The following CA10 variants were observed in gnomAD, a reference collection of about 807,000 sequenced individuals.
CA10 encodes carbonic anhydrase 10 (inactive), also known as carbonic anhydrase-related protein 10.
Under a neutral mutation model 44.2 loss-of-function variants are expected in CA10, and 14 were observed. The observed-to-expected ratio is 0.32, with a 90% CI of 0.21 to 0.50. The LOEUF is 0.50. Ranked by LOEUF, CA10 falls within the 20% of genes least tolerant of loss-of-function variation. CA10 has a pLI of 0.99. For missense variants in CA10, 350 were observed against 409.7 expected, an observed-to-expected ratio of 0.85 and a Z score of 1.26; for synonymous variants, 159 against 141.6, an observed-to-expected ratio of 1.12 and a Z score of -0.87.
At chr17:51,716,014 T>C (rs1245012625) in intron 4 of CA10, among the ~76,000 whole-genome samples, 1 of 152,132 alleles carries the variant, frequency 6.6e-6, no homozygotes, top group Non-Finnish European at 1.5e-5. Context: ...TTATTATTTT[T>C]TGAACCCATT....
chr17:52,127,446 A>G (rs1389443219), intron 1 of CA10, among the ~76,000 whole-genome samples: 1 of 152,148 alleles, frequency 6.6e-6, no homozygotes, highest in Non-Finnish European at 1.5e-5. Context: ...ATACACTGAG[A>G]GGTATAATTG....
intron 2 of CA10, among the ~76,000 whole-genome samples, chr17:52,025,861 C>A (rs1181660529): frequency 6.6e-6 from 1 of 151,976 alleles, no homozygotes; most frequent in Non-Finnish European, 1.5e-5. Flanking sequence ...AGAGATGGAA[C>A]CCATATGGGA....
Position 52,158,212 on chromosome 17 carries a change from AG to A in CA10, c.-427del. ...GGCGCCCCAAGAAGACATAGACGAT[AG>A]CCCCCCGCCGGGCTGCGCCGTGCAA... On this transcript the variant is annotated 5_prime_UTR_variant, in exon 1 of 9. Coordinates refer to ENST00000451037, the MANE Select transcript of CA10 (RefSeq NM_020178.5). The A allele has an allele frequency of 3.5e-6, 1 of 287,038 alleles. No homozygotes were observed. The highest frequency in any genetic ancestry group is 3.4e-5 in the South Asian group (1 of 29,420). 17.8% of individuals were successfully genotyped at this position (287,038 alleles called of 1,614,324 possible). A position where few individuals can be genotyped will look rare whatever the true frequency, so the allele number is the denominator to read the frequency against.
chr17:51,655,387 C>A (rs1174077624), intron 4 of CA10, among the ~76,000 whole-genome samples: 1 of 152,176 alleles, frequency 6.6e-6, no homozygotes, highest in African/African-American at 2.4e-5. Flanking sequence ...ATTTGTGACT[C>A]TGAAAGTGTA....
chr17:51,885,291 C>T (rs59015340), intron 3 of CA10, among the ~76,000 whole-genome samples: 12,116 of 152,068 alleles, frequency 0.08, 1,029 homozygotes, highest in African/African-American at 0.22. Context: ...TCCTCATGAC[C>T]AAGAGGACGA....
chr17:51,861,044 A>G (rs1979281761), intron 3 of CA10, among the ~76,000 whole-genome samples: 1 of 152,206 alleles, frequency 6.6e-6, no homozygotes, highest in African/African-American at 2.4e-5. Context: ...CTCAGCTTCA[A>G]ATCTAACTTT....
chr17:51,701,666 ACT>A lies in CA10; in HGVS notation c.465+45965_465+45966del, dbSNP rs1915607685. On this transcript the variant is annotated intron_variant, in intron 4 of 8. Coordinates refer to ENST00000451037, the MANE Select transcript of CA10 (RefSeq NM_020178.5). ...CCAAATGAAAGTCTCATAATAGTTA[ACT>A]CTCAATTATTCACCCATGTTTGGTA... 8.6e-5 allele frequency among the ~76,000 whole-genome samples: 13 copies of A among 152,012 alleles called. No homozygotes were observed. The South Asian group carries it at 2.7e-3, about 32-fold the overall frequency.
intron 1 of CA10, among the ~76,000 whole-genome samples, chr17:52,113,252 G>T (rs1020497700): frequency 1.2e-4 from 19 of 152,198 alleles, no homozygotes; most frequent in Middle Eastern, 3.4e-3. Flanking sequence ...TGTAAAGTGG[G>T]GATAAAATTA....
At chr17:52,006,251 C>T (rs1985593212) in intron 2 of CA10, among the ~76,000 whole-genome samples, 1 of 151,618 alleles carries the variant, frequency 6.6e-6, no homozygotes, top group African/African-American at 2.4e-5. Flanking sequence ...TCTATTCTGT[C>T]CCTTTGTTCC....
chr17:52,157,552 A>T (rs1989833775), intron 1 of CA10, among the ~76,000 whole-genome samples, 174 bp downstream of exon 1: 1 of 126,514 alleles, frequency 7.9e-6, no homozygotes, highest in South Asian at 2.8e-4. Flanking sequence ...AAACACACAC[A>T]TTCACACACC....
chr17:51,715,792 G>T lies in CA10; in HGVS notation c.465+31841C>A, dbSNP rs370203342. The stretch of plus-strand genomic sequence containing the variant: ...TGCAAACTCTGCCTCCTAGGCTCAA[G>T]CAATTCTCCTGCCACAGCCTCTGAG... On this transcript the variant is annotated intron_variant, in intron 4 of 8. Transcript: ENST00000451037. 6.6e-5 allele frequency among the ~76,000 whole-genome samples: 10 copies of T among 152,072 alleles called. No individual in the cohort carries two copies. The East Asian group carries it at 1.6e-3, about 24-fold the overall frequency.
intron 1 of CA10, among the ~76,000 whole-genome samples, chr17:52,077,517 T>C (rs1181979202): frequency 6.6e-6 from 1 of 152,126 alleles, no homozygotes; most frequent in South Asian, 2.1e-4. Context: ...CAATTTTATT[T>C]ATGAAAACAA....
intron 4 of CA10, among the ~76,000 whole-genome samples, chr17:51,672,340 C>T (rs2143354501): frequency 6.6e-6 from 1 of 152,320 alleles, no homozygotes; most frequent in South Asian, 2.1e-4. Context: ...CACTGTTTTG[C>T]AAACGAGTAA....
intron 3 of CA10, among the ~76,000 whole-genome samples, chr17:51,771,820 C>G (rs1014120872): frequency 2.0e-5 from 3 of 152,202 alleles, no homozygotes; most frequent in Admixed American, 1.3e-4. Flanking sequence ...CAATACCAAG[C>G]TGGCTAACAT....
At chr17:51,682,649 T>A (rs1597983207) in intron 4 of CA10, among the ~76,000 whole-genome samples, 1 of 152,154 alleles carries the variant, frequency 6.6e-6, no homozygotes, top group African/African-American at 2.4e-5. Flanking sequence ...AAAGGCTTCA[T>A]CCCATTTACC....
At chr17:52,044,142 T>C (rs1986843980) in intron 2 of CA10, among the ~76,000 whole-genome samples, 1 of 152,228 alleles carries the variant, frequency 6.6e-6, no homozygotes, top group Non-Finnish European at 1.5e-5. Context: ...TTAATTCGTC[T>C]TTAAATGTTT....
At chr17:52,091,437 CA>C (rs958060604) in intron 1 of CA10, among the ~76,000 whole-genome samples, 7 of 152,118 alleles carry the variant, frequency 4.6e-5, no homozygotes, top group Non-Finnish European at 8.8e-5. Context: ...ATTTAATTTT[CA>C]GTGGTATAGA....
intron 2 of CA10, among the ~76,000 whole-genome samples, chr17:52,055,508 G>A (rs1567717816): frequency 6.6e-6 from 1 of 152,080 alleles, no homozygotes; most frequent in African/African-American, 2.4e-5. Flanking sequence ...GCCATCAGTT[G>A]ATATTAGAAC....
intron 3 of CA10, among the ~76,000 whole-genome samples, chr17:51,785,907 T>C (rs1320712830): frequency 1.3e-5 from 2 of 152,246 alleles, no homozygotes; most frequent in Non-Finnish European, 2.9e-5. Context: ...GTATGGACAT[T>C]GTAACAATAT....
Sources: allele counts gnomAD v4.1 joint callset (sites outside exome capture counted in the v4.1 genomes callset), GRCh38; gene constraint gnomAD v4.1.1; transcripts MANE v1.5; gene names NCBI Gene and HGNC (gene_info 2026-07-23, HGNC 2026-07-21).